KCNIP4: variants seen among roughly 807,000 people sequenced by gnomAD.
The protein encoded by KCNIP4 is Kv channel-interacting protein 4.
KCNIP4 carries 12 observed loss-of-function variants against 34.0 expected under a neutral mutation model. The ratio of observed to expected loss-of-function variants is 0.35; its 90% CI spans 0.23 to 0.57. KCNIP4 has a LOEUF of 0.57. Among genes scored for constraint, KCNIP4 ranks in the 20% least tolerant of loss-of-function variants. The pLI is 0.83. For missense variants in KCNIP4, 238 were observed against 311.7 expected, an observed-to-expected ratio of 0.76 and a Z score of 1.78; for synonymous variants, 124 against 102.2, an observed-to-expected ratio of 1.21 and a Z score of -1.29.
chr4:21,909,146 A>C (rs2108979201), intron 1 of KCNIP4, among the ~76,000 whole-genome samples: 1 of 152,294 alleles, frequency 6.6e-6, no homozygotes, highest in Non-Finnish European at 1.5e-5. Context: ...TGGGAGAGAA[A>C]AAGAGAATAG....
chr4:21,109,375 G>A (rs1408828698), intron 1 of KCNIP4, among the ~76,000 whole-genome samples: 4 of 152,244 alleles, frequency 2.6e-5, no homozygotes, highest in African/African-American at 7.2e-5. Context: ...AGCAATCAGT[G>A]AGACTCCTTG....
At chr4:20,994,151 A>G (rs1490337394) in intron 1 of KCNIP4, among the ~76,000 whole-genome samples, 1 of 152,214 alleles carries the variant, frequency 6.6e-6, no homozygotes, top group East Asian at 1.9e-4. Context: ...TGTGTCACAT[A>G]ACCCAAAATA....
chr4:21,940,756 C>A (rs1028249188), intron 1 of KCNIP4, among the ~76,000 whole-genome samples: 1 of 152,146 alleles, frequency 6.6e-6, no homozygotes, highest in South Asian at 2.1e-4. Context: ...ATTAAAATTT[C>A]TCTAAATTAA....
intron 1 of KCNIP4, among the ~76,000 whole-genome samples, chr4:21,141,267 C>A (rs1159791725): frequency 6.6e-6 from 1 of 151,922 alleles, no homozygotes; most frequent in Non-Finnish European, 1.5e-5. Context: ...TGCAGGGTTG[C>A]CACAAATCTT....
At chr4:21,034,198 A>G (rs1741259894) in intron 1 of KCNIP4, among the ~76,000 whole-genome samples, 2 of 152,206 alleles carry the variant, frequency 1.3e-5, no homozygotes, top group South Asian at 4.1e-4. Flanking sequence ...GCACACTTAT[A>G]GAAGAGTTCC....
intron 1 of KCNIP4, among the ~76,000 whole-genome samples, chr4:21,447,301 C>G (rs912784676): frequency 6.6e-6 from 1 of 152,038 alleles, no homozygotes; most frequent in African/African-American, 2.4e-5. Context: ...CAGCAGCCAC[C>G]CAGAAACTAG....
At position 21,182,851 on chromosome 4, in the gene KCNIP4, T is replaced by G. The variant is rs185096836; in HGVS notation, c.62-300142A>C. On this transcript the variant is annotated intron_variant, in intron 1 of 8. Transcript: ENST00000382152. ...TGGTTCAAGAGAGATAATTTACATATGCATGCTCTCATTTTTTGTACTGAG... is the reference window on the plus strand; with the variant it reads ...TGGTTCAAGAGAGATAATTTACATAGGCATGCTCTCATTTTTTGTACTGAG... Among the ~76,000 whole-genome samples the G allele has an allele frequency of 1.1e-4, 17 of 152,244 alleles. No individual in the cohort carries two copies. In the East Asian group the frequency reaches 3.1e-3, roughly 28 times the overall value.
At chr4:20,875,683 G>A (rs1427905648) in intron 2 of KCNIP4, among the ~76,000 whole-genome samples, 1 of 151,932 alleles carries the variant, frequency 6.6e-6, no homozygotes, top group Non-Finnish European at 1.5e-5. Flanking sequence ...ATTCACCAAG[G>A]AGTTAGCATG....
intron 1 of KCNIP4, among the ~76,000 whole-genome samples, chr4:21,022,456 G>C (rs1740161764): frequency 6.6e-6 from 1 of 152,264 alleles, no homozygotes; most frequent in African/African-American, 2.4e-5. Context: ...TATAGCCAGG[G>C]GTGGCGGGTT....
intron 1 of KCNIP4, among the ~76,000 whole-genome samples, chr4:21,940,681 AAAAG>A (rs541409699): frequency 5.8e-4 from 88 of 152,292 alleles, no homozygotes; most frequent in Admixed American, 1.2e-3. Context: ...TACAGAGGAA[AAAAG>A]AAAGAAACAG....
intron 1 of KCNIP4, among the ~76,000 whole-genome samples, chr4:20,905,983 A>T (rs1228486806): frequency 6.6e-6 from 1 of 151,876 alleles, no homozygotes; most frequent in Non-Finnish European, 1.5e-5. Context: ...TGAGGGACAC[A>T]ATTCCACCAC....
intron 1 of KCNIP4, among the ~76,000 whole-genome samples, chr4:20,906,309 GC>G (rs1560559520): frequency 6.6e-6 from 1 of 152,020 alleles, no homozygotes; most frequent in African/African-American, 2.4e-5. Flanking sequence ...AGATCCATGT[GC>G]CCCCTCCCTT....
rs77188901 is a variant in KCNIP4 at position 20,934,207 on chromosome 4, A to C, written c.62-51498T>G. ...CTTGTCCTCCAACTTCCTCCTGTCC[A>C]TGTTTTTCTGCCTCATAAACACACG... is the stretch of plus-strand genomic sequence containing the variant. On this transcript the variant is annotated intron_variant, in intron 1 of 8. Transcript: ENST00000382152. Among the ~76,000 whole-genome samples the C allele has an allele frequency of 2.2e-3, 334 of 152,228 alleles. 8 individuals carry two copies. The East Asian group carries it at 0.055, about 25-fold the overall frequency.
chr4:20,775,690 G>A (rs2149385273), intron 3 of KCNIP4, among the ~76,000 whole-genome samples: 1 of 152,276 alleles, frequency 6.6e-6, no homozygotes, highest in East Asian at 1.9e-4. Flanking sequence ...CTGGGCAACA[G>A]AGAGAGACTG....
intron 1 of KCNIP4, among the ~76,000 whole-genome samples, chr4:21,925,895 GAA>G (rs1294979050): frequency 5.9e-4 from 89 of 152,110 alleles, no homozygotes; most frequent in Admixed American, 5.7e-3. Flanking sequence ...ACTGGAGCTG[GAA>G]GACCTAGGTT....
At chr4:20,976,154 C>A (rs1735471845) in intron 1 of KCNIP4, among the ~76,000 whole-genome samples, 1 of 152,182 alleles carries the variant, frequency 6.6e-6, no homozygotes, top group South Asian at 2.1e-4. Flanking sequence ...TTACCTAACT[C>A]AATGGTTCTC....
intron 1 of KCNIP4, among the ~76,000 whole-genome samples, chr4:21,382,785 C>G (rs1262684589): frequency 6.6e-6 from 1 of 152,068 alleles, no homozygotes; most frequent in Non-Finnish European, 1.5e-5. Context: ...GAAGTATTAC[C>G]ACACATCCTT....
intron 1 of KCNIP4, among the ~76,000 whole-genome samples, chr4:21,622,921 G>A (rs1415384743): frequency 1.3e-5 from 2 of 151,830 alleles, no homozygotes; most frequent in Non-Finnish European, 2.9e-5. Flanking sequence ...TAATAACTGG[G>A]AAGATTTCAA....
At chr4:21,947,895 A>C (rs1578173555) in intron 1 of KCNIP4, among the ~76,000 whole-genome samples, 1 of 152,226 alleles carries the variant, frequency 6.6e-6, no homozygotes, top group African/African-American at 2.4e-5. Flanking sequence ...ACCAAACAGC[A>C]AAACATTTCT....
Sources: allele counts gnomAD v4.1 joint callset (sites outside exome capture counted in the v4.1 genomes callset), GRCh38; gene constraint gnomAD v4.1.1; transcripts MANE v1.5; gene names NCBI Gene and HGNC (gene_info 2026-07-23, HGNC 2026-07-21).